GLI2: variants seen among roughly 807,000 people sequenced by gnomAD.
GLI2 encodes transcription activator GLI2.
Under a neutral mutation model 78.9 loss-of-function variants are expected in GLI2, and 22 were observed. The ratio of observed to expected loss-of-function variants is 0.28; its 90% CI spans 0.20 to 0.40. The LOEUF (loss-of-function observed/expected upper bound fraction) is 0.40. Among genes scored for constraint, GLI2 ranks in the 10% least tolerant of loss-of-function variants. The pLI is 1.00. For synonymous variants in GLI2, 974 were observed against 963.7 expected (o/e 1.01, Z -0.20); for missense variants, 2,097 against 2,213.2 (o/e 0.95, Z 1.05).
chr2:120,839,111 A>T (rs1470340242), intron 2 of GLI2, among the ~76,000 whole-genome samples: 1 of 152,222 alleles, frequency 6.6e-6, no homozygotes, highest in Non-Finnish European at 1.5e-5. Context: ...CAACTAAATT[A>T]ACCTCATAAC....
chr2:120,984,381 C>T (rs780874272), intron 11 of GLI2, 90 bp from the exon 12 acceptor site: 118 of 1,364,930 alleles, frequency 8.6e-5, no homozygotes, highest in Non-Finnish European at 1.2e-4. Context: ...TGCTGAGGGG[C>T]GTGGGTAGCT....
Position 120,970,283 on chromosome 2 carries a change from C to A in GLI2, c.846-110C>A, listed in dbSNP as rs1405003681. The A allele has an allele frequency of 5.9e-6, 4 of 678,332 alleles. No individual in the cohort carries two copies. The East Asian group carries it at 8.2e-5, about 14-fold the overall frequency. The allele number at this position is 678,332 out of a possible 1,614,324, so 42.0% of individuals were successfully genotyped here. A position where few individuals can be genotyped will look rare whatever the true frequency, so the allele number is the denominator to read the frequency against. ...GAAGCCACGGTGATGGTGGGGCTAGCAACATGCTCATCCCTATCCCCTGGG... is the reference window on the plus strand; with the variant it reads ...GAAGCCACGGTGATGGTGGGGCTAGAAACATGCTCATCCCTATCCCCTGGG... On this transcript the variant is annotated intron_variant, in intron 6 of 13. Transcript: ENST00000361492.
intron 8 of GLI2, among the ~76,000 whole-genome samples, 169 bp downstream of exon 8, chr2:120,972,232 C>T (rs1045738007): frequency 8.5e-5 from 13 of 152,364 alleles, no homozygotes; most frequent in African/African-American, 3.1e-4. Context: ...TTTCTCACCA[C>T]TGTGTTCCCA....
intron 2 of GLI2, among the ~76,000 whole-genome samples, chr2:120,917,888 C>T (rs923860405): frequency 6.6e-6 from 1 of 152,232 alleles, no homozygotes; most frequent in Non-Finnish European, 1.5e-5. Context: ...GACACAGACA[C>T]TAGGGAAAGA....
At chr2:120,760,231 T>A (rs1009453785) in intron 1 of GLI2, among the ~76,000 whole-genome samples, 6 of 152,088 alleles carry the variant, frequency 3.9e-5, no homozygotes, top group African/African-American at 1.4e-4. Flanking sequence ...CTGGGGCCCA[T>A]CCCAACTGTA....
At chr2:120,945,306 A>G (rs1315805792) in intron 3 of GLI2, among the ~76,000 whole-genome samples, 1 of 152,164 alleles carries the variant, frequency 6.6e-6, no homozygotes, top group African/African-American at 2.4e-5. Context: ...AAACACACAC[A>G]CACGAGGAAA....
intron 3 of GLI2, among the ~76,000 whole-genome samples, chr2:120,931,682 G>A (rs555393574): frequency 6.6e-6 from 1 of 152,164 alleles, no homozygotes; most frequent in Non-Finnish European, 1.5e-5. Context: ...CTTCCTGATT[G>A]CTCTGTGAGA....
chr2:120,924,872 T>C (rs1409873926), intron 2 of GLI2, among the ~76,000 whole-genome samples: 1 of 152,276 alleles, frequency 6.6e-6, no homozygotes, highest in Non-Finnish European at 1.5e-5. Flanking sequence ...TTGTTGAGTG[T>C]GTCCTATCTG....
chr2:120,822,941 A>G (rs1362728806), intron 2 of GLI2, among the ~76,000 whole-genome samples: 2 of 152,068 alleles, frequency 1.3e-5, no homozygotes, highest in Non-Finnish European at 2.9e-5. Context: ...TTCCTTCTCT[A>G]AGGGGAATCT....
chr2:120,863,577 C>G (rs1347397355), intron 2 of GLI2, among the ~76,000 whole-genome samples: 1 of 152,220 alleles, frequency 6.6e-6, no homozygotes, highest in Non-Finnish European at 1.5e-5. Flanking sequence ...GAGGTTTTAA[C>G]TGCATCTATG....
intron 3 of GLI2, among the ~76,000 whole-genome samples, chr2:120,927,713 T>C (rs1573616660): frequency 6.6e-6 from 1 of 152,344 alleles, no homozygotes; most frequent in African/African-American, 2.4e-5. Flanking sequence ...CTGGGCTTCC[T>C]TGGTGTATCT....
chr2:120,907,936 T>C (rs540343604), intron 2 of GLI2, among the ~76,000 whole-genome samples: 1 of 152,326 alleles, frequency 6.6e-6, no homozygotes, highest in Admixed American at 6.5e-5. Flanking sequence ...TCAGGAACGA[T>C]GCAGCTGTGA....
intron 4 of GLI2, among the ~76,000 whole-genome samples, chr2:120,953,991 C>A (rs1031593331): frequency 6.6e-6 from 1 of 152,150 alleles, no homozygotes; most frequent in Non-Finnish European, 1.5e-5. Context: ...CACGTACCCG[C>A]TTACAGCCCC....
chr2:120,879,000 A>G (rs577760648), intron 2 of GLI2, among the ~76,000 whole-genome samples: 36 of 151,960 alleles, frequency 2.4e-4, no homozygotes, highest in African/African-American at 7.2e-4. Flanking sequence ...CTGTTATCTC[A>G]GCATCCTCAG....
At chr2:120,740,437 TAA>T (rs5833850) in intron 1 of GLI2, among the ~76,000 whole-genome samples, 3 of 147,592 alleles carry the variant, frequency 2.0e-5, no homozygotes, top group African/African-American at 5.0e-5. Flanking sequence ...GTGTGTTGTT[TAA>T]AAAAAAAAAA....
chr2:120,851,136 T>A (rs1176628820), intron 2 of GLI2, among the ~76,000 whole-genome samples: 2 of 152,124 alleles, frequency 1.3e-5, no homozygotes, highest in Non-Finnish European at 1.5e-5. Context: ...TAGATTTTTT[T>A]AAAAAAAGAA....
intron 1 of GLI2, among the ~76,000 whole-genome samples, chr2:120,743,080 G>A (rs1682597193): frequency 6.6e-6 from 1 of 152,166 alleles, no homozygotes; most frequent in Non-Finnish European, 1.5e-5. Flanking sequence ...CTAAGGAGCA[G>A]GGGAAAGAAG....
At chr2:120,836,133 C>T (rs1307013842) in intron 2 of GLI2, among the ~76,000 whole-genome samples, 1 of 152,160 alleles carries the variant, frequency 6.6e-6, no homozygotes, top group Non-Finnish European at 1.5e-5. Context: ...GGCTGTTAAA[C>T]CCTGATTTGA....
At chr2:120,896,638 TACACACACACAC>T (rs149519455) in intron 2 of GLI2, among the ~76,000 whole-genome samples, 1 of 119,346 alleles carries the variant, frequency 8.4e-6, no homozygotes, top group South Asian at 2.7e-4. Context: ...AAAACACACA[TACACACACACAC>T]ACACACACAC....
Sources: gnomAD v4.1 joint callset for allele counts (sites outside exome capture counted in the v4.1 genomes callset) on GRCh38, gnomAD v4.1.1 for gene constraint, MANE v1.5 for transcripts, NCBI Gene and HGNC (gene_info 2026-07-23, HGNC 2026-07-21) for gene names.